MCF2L2: variants seen among roughly 807,000 people sequenced by gnomAD.
MCF2L2 encodes the protein MCF.2 cell line derived transforming sequence-like 2.
A neutral mutation model predicts 150.2 loss-of-function variants in MCF2L2; 102 were observed. That is an observed-to-expected ratio of 0.68 (90% confidence interval 0.58 to 0.80). The LOEUF (loss-of-function observed/expected upper bound fraction) is 0.80. MCF2L2 is among the 30% of genes least tolerant of loss of function. The pLI is 0.00. For synonymous variants in MCF2L2, 465 were observed against 491.3 expected (o/e 0.95, Z 0.71); for missense variants, 1,256 against 1,372.8 (o/e 0.91, Z 1.34).
chr3:183,403,143 G>A (rs1714860083), intron 1 of MCF2L2, among the ~76,000 whole-genome samples: 1 of 151,940 alleles, frequency 6.6e-6, no homozygotes, highest in African/African-American at 2.4e-5. Context: ...GTGGTGGCAG[G>A]TGCTGGTAAT....
chr3:183,303,249 C>T (rs1728944995), intron 10 of MCF2L2, among the ~76,000 whole-genome samples: 1 of 151,560 alleles, frequency 6.6e-6, no homozygotes, highest in Non-Finnish European at 1.5e-5. Flanking sequence ...AATGTAAGTT[C>T]CATGAGAGCA....
At chr3:183,381,972 G>T (rs1713552756) in intron 2 of MCF2L2, among the ~76,000 whole-genome samples, 1 of 152,072 alleles carries the variant, frequency 6.6e-6, no homozygotes, top group Non-Finnish European at 1.5e-5. Context: ...ATTTGCTGAG[G>T]GACTGGCTAA....
At chr3:183,279,280 T>C (rs534549671) in intron 14 of MCF2L2, among the ~76,000 whole-genome samples, 23 of 152,260 alleles carry the variant, frequency 1.5e-4, no homozygotes, top group African/African-American at 4.8e-4. Context: ...AGGTGAATTG[T>C]AGCCAAAGTA....
At chr3:183,312,159 A>G (rs1729408148) in intron 7 of MCF2L2, among the ~76,000 whole-genome samples, 1 of 152,226 alleles carries the variant, frequency 6.6e-6, no homozygotes, top group Non-Finnish European at 1.5e-5. Flanking sequence ...ACTGAGCAAT[A>G]ATAATGTAAT....
chr3:183,276,065 G>C (rs759791830), intron 15 of MCF2L2, among the ~76,000 whole-genome samples: 30 of 152,184 alleles, frequency 2.0e-4, no homozygotes, highest in Non-Finnish European at 1.5e-5. Flanking sequence ...ATTGCCAAAT[G>C]GTGTTTTTCA....
intron 13 of MCF2L2, among the ~76,000 whole-genome samples, chr3:183,289,964 T>G (rs1025850033): frequency 3.3e-5 from 5 of 152,254 alleles, no homozygotes; most frequent in African/African-American, 1.2e-4. Flanking sequence ...ATGCATCATG[T>G]GTACAGCATA....
At chr3:183,425,561 G>A (rs1560070400) in intron 1 of MCF2L2, among the ~76,000 whole-genome samples, 1 of 152,142 alleles carries the variant, frequency 6.6e-6, no homozygotes, top group South Asian at 2.1e-4. Context: ...GTGACCCTCC[G>A]TGAAGGCTGA....
chr3:183,354,346 A>G (rs111361490), intron 3 of MCF2L2, among the ~76,000 whole-genome samples: 4 of 152,224 alleles, frequency 2.6e-5, no homozygotes, highest in African/African-American at 9.6e-5. Flanking sequence ...TTCCCTTTCC[A>G]GGTCTTTTCC....
chr3:183,282,084 C>T (rs1392917762), intron 14 of MCF2L2, among the ~76,000 whole-genome samples: 1 of 151,372 alleles, frequency 6.6e-6, no homozygotes, highest in East Asian at 1.9e-4. Flanking sequence ...CTTTTTAATC[C>T]CTAAGATCTT....
intron 1 of MCF2L2, among the ~76,000 whole-genome samples, chr3:183,396,404 G>A (rs1447128464): frequency 6.6e-6 from 1 of 152,134 alleles, no homozygotes; most frequent in East Asian, 1.9e-4. Flanking sequence ...CTTTGGTAAT[G>A]ACATAGCCAG....
intron 1 of MCF2L2, among the ~76,000 whole-genome samples, chr3:183,406,709 G>A (rs13060298): frequency 0.28 from 41,926 of 151,904 alleles, 6,704 homozygotes; most frequent in Middle Eastern, 0.38. Flanking sequence ...GGCTGGTCTC[G>A]AACTCCTGAC....
In MCF2L2 at chr3:183,263,478, T is replaced by G. The variant is rs139475978; in HGVS notation, c.1862+13394A>C. Among the ~76,000 whole-genome samples, 339 of 152,210 alleles carry G rather than the reference T, an allele frequency of 2.2e-3. 2 individuals are homozygous for G. The highest frequency in any genetic ancestry group is 0.014 in the Admixed American group (217 of 15,300). The stretch of plus-strand genomic sequence containing the variant: ...TGTCCTGCTTACCCACTCTACCCAT[T>G]TGTTAACCCCATCTTAATTTTCTGA... On this transcript the variant is annotated intron_variant, in intron 15 of 29. Coordinates refer to ENST00000328913, the MANE Select transcript of MCF2L2 (RefSeq NM_015078.4).
rs945632787 is a variant in MCF2L2, at chr3:183,295,576, T to A, written c.1498-99A>T. ...CTCCCACCTTCCCCTACTCCCCCCATCCCTACCTCCCTCAGGTGACCCCCT... is the reference window on the plus strand; with the variant it reads ...CTCCCACCTTCCCCTACTCCCCCCAACCCTACCTCCCTCAGGTGACCCCCT... On this transcript the variant is annotated intron_variant, in intron 12 of 29. Coordinates refer to ENST00000328913, the MANE Select transcript of MCF2L2 (RefSeq NM_015078.4). 27 of 1,155,390 alleles carry A rather than the reference T, an allele frequency of 2.3e-5. No individual in the cohort carries two copies. In the Admixed American group the frequency reaches 5.4e-4, roughly 23 times the overall value. The allele number at this position is 1,155,390 out of a possible 1,614,324, so 71.6% of individuals were successfully genotyped here. A position where few individuals can be genotyped will look rare whatever the true frequency, so the allele number is the denominator to read the frequency against.
chr3:183,264,771 G>C (rs960763626), intron 15 of MCF2L2, among the ~76,000 whole-genome samples: 7 of 152,216 alleles, frequency 4.6e-5, no homozygotes, highest in African/African-American at 1.7e-4. Flanking sequence ...AGGGAAACTT[G>C]TAGCCTTTGG....
At chr3:183,234,130 T>G (rs1723693418) in intron 15 of MCF2L2, among the ~76,000 whole-genome samples, 1 of 152,152 alleles carries the variant, frequency 6.6e-6, no homozygotes, top group Non-Finnish European at 1.5e-5. Flanking sequence ...AATACCAATA[T>G]GTTTCTACGA....
At chr3:183,389,895 G>A (rs1560053392) in intron 1 of MCF2L2, 116 bp from the exon 2 acceptor site, 7 of 757,576 alleles carry the variant, frequency 9.2e-6, no homozygotes, top group Non-Finnish European at 1.6e-5. Flanking sequence ...TCAAGAGACG[G>A]TGCTGGCACA....
chr3:183,292,191 C>T (rs75103512), intron 13 of MCF2L2, among the ~76,000 whole-genome samples: 3,045 of 152,104 alleles, frequency 0.02, 60 homozygotes, highest in East Asian at 0.051. Flanking sequence ...GACAAGGGAT[C>T]GTAAATTGTA....
At chr3:183,345,409 C>T (rs1432443949) in intron 3 of MCF2L2, among the ~76,000 whole-genome samples, 2 of 152,042 alleles carry the variant, frequency 1.3e-5, no homozygotes, top group Non-Finnish European at 1.5e-5. Flanking sequence ...CTCTGGGACA[C>T]AGCTAAAGCA....
At chr3:183,417,848 T>C (rs1014095450) in intron 1 of MCF2L2, among the ~76,000 whole-genome samples, 8 of 152,080 alleles carry the variant, frequency 5.3e-5, no homozygotes, top group African/African-American at 1.9e-4. Flanking sequence ...AAGCAAAGCA[T>C]ATGTTTACAG....
Sources: allele counts gnomAD v4.1 joint callset (sites outside exome capture counted in the v4.1 genomes callset), GRCh38; gene constraint gnomAD v4.1.1; transcripts MANE v1.5; gene names NCBI Gene and HGNC (gene_info 2026-07-23, HGNC 2026-07-21).